NRXN3: variants seen among roughly 807,000 people sequenced by gnomAD.
NRXN3 encodes the protein neurexin III.
Under a neutral mutation model 137.6 loss-of-function variants are expected in NRXN3, and 32 were observed. The observed-to-expected ratio is 0.23, with a 90% CI of 0.18 to 0.31. NRXN3 has a LOEUF of 0.31. Ranked by LOEUF, NRXN3 falls within the 10% of genes least tolerant of loss-of-function variation. The pLI, the probability that NRXN3 is intolerant of heterozygous loss-of-function variation, is 1.00. For synonymous variants in NRXN3, 798 were observed against 784.5 expected (o/e 1.02, Z -0.29); for missense variants, 1,574 against 2,062.5 (o/e 0.76, Z 4.59).
intron 4 of NRXN3, among the ~76,000 whole-genome samples, chr14:78,554,965 G>A (rs182548918): frequency 5.3e-5 from 8 of 152,156 alleles, no homozygotes; most frequent in African/African-American, 1.7e-4. Context: ...GTGCAACATA[G>A]AACAGTCGAG....
chr14:78,800,968 A>G (rs944972046), intron 8 of NRXN3, among the ~76,000 whole-genome samples: 2 of 152,198 alleles, frequency 1.3e-5, no homozygotes, highest in Admixed American at 6.5e-5. Context: ...ACCTTACATG[A>G]TAACCATTTT....
intron 17 of NRXN3, among the ~76,000 whole-genome samples, chr14:79,667,584 T>C (rs1188058208): frequency 2.0e-5 from 3 of 151,980 alleles, no homozygotes; most frequent in Non-Finnish European, 4.4e-5. Context: ...AGAATGAAAA[T>C]AGTTCTATAG....
chr14:78,503,105 T>G (rs891979658), intron 4 of NRXN3, among the ~76,000 whole-genome samples: 8 of 152,176 alleles, frequency 5.3e-5, no homozygotes, highest in Admixed American at 5.2e-4. Context: ...ACTGATAATT[T>G]AATAGATTTT....
At chr14:79,678,414 C>A (rs1430756435) in intron 17 of NRXN3, among the ~76,000 whole-genome samples, 1 of 152,148 alleles carries the variant, frequency 6.6e-6, no homozygotes, top group Non-Finnish European at 1.5e-5. Flanking sequence ...GGACTTGAAC[C>A]ATTATTCAAT....
At chr14:78,279,227 T>A (rs527768330) in intron 3 of NRXN3, among the ~76,000 whole-genome samples, 1 of 152,258 alleles carries the variant, frequency 6.6e-6, no homozygotes, top group Non-Finnish European at 1.5e-5. Context: ...ATAAATGGTT[T>A]TTGTCAATGG....
chr14:79,666,580 C>G (rs960320879), intron 17 of NRXN3, among the ~76,000 whole-genome samples: 1 of 151,942 alleles, frequency 6.6e-6, no homozygotes, highest in South Asian at 2.1e-4. Context: ...GAAGGAAGAC[C>G]TAGGACAAGA....
chr14:78,908,761 G>A (rs2099227088), intron 10 of NRXN3, among the ~76,000 whole-genome samples: 1 of 152,030 alleles, frequency 6.6e-6, no homozygotes, highest in African/African-American at 2.4e-5. Flanking sequence ...ATTGCAGCAA[G>A]AACAAACATC....
At chr14:78,627,418 C>T (rs1354177798) in intron 4 of NRXN3, among the ~76,000 whole-genome samples, 1 of 152,138 alleles carries the variant, frequency 6.6e-6, no homozygotes, top group Admixed American at 6.5e-5. Flanking sequence ...AGGCAACTTA[C>T]ATGAAATGAG....
intron 4 of NRXN3, among the ~76,000 whole-genome samples, chr14:78,567,401 T>C (rs922590317): frequency 3.3e-5 from 5 of 152,202 alleles, no homozygotes; most frequent in Non-Finnish European, 5.9e-5. Context: ...AGAGGGTGCC[T>C]ATCTCCAGCA....
chr14:78,959,336 T>C (rs1297199851), intron 11 of NRXN3, among the ~76,000 whole-genome samples: 1 of 152,234 alleles, frequency 6.6e-6, no homozygotes, highest in Non-Finnish European at 1.5e-5. Context: ...CATAAAACTT[T>C]GAGAGCGTTG....
At chr14:79,374,304 C>T (rs370898847) in intron 15 of NRXN3, among the ~76,000 whole-genome samples, 4 of 152,038 alleles carry the variant, frequency 2.6e-5, no homozygotes, top group African/African-American at 4.8e-5. Flanking sequence ...GAACTGAGTT[C>T]GTGGCCATTG....
chr14:78,937,441 C>T (rs1200866148), intron 10 of NRXN3, among the ~76,000 whole-genome samples: 1 of 152,158 alleles, frequency 6.6e-6, no homozygotes, highest in African/African-American at 2.4e-5. Context: ...CAAAACAGTC[C>T]TGTAAGCAGT....
chr14:79,542,751 G>A (rs1227868236), intron 16 of NRXN3, among the ~76,000 whole-genome samples: 1 of 152,002 alleles, frequency 6.6e-6, no homozygotes, highest in Non-Finnish European at 1.5e-5. Flanking sequence ...CGCTCTTTTG[G>A]CAAAGATCCC....
intron 15 of NRXN3, among the ~76,000 whole-genome samples, chr14:79,387,418 A>G (rs1382455947): frequency 2.6e-5 from 4 of 152,062 alleles, no homozygotes; most frequent in Non-Finnish European, 5.9e-5. Flanking sequence ...ATCTCACACC[A>G]GTTAGAATGG....
At chr14:78,987,932 G>C (rs1475764218) in intron 14 of NRXN3, 90 bp from the exon 15 acceptor site, 5 of 1,414,652 alleles carry the variant, frequency 3.5e-6, no homozygotes, top group Non-Finnish European at 2.8e-6. Flanking sequence ...CATGAGAATG[G>C]TAAATTCAGG....
chr14:78,639,612 G>C (rs1260720841), intron 4 of NRXN3, among the ~76,000 whole-genome samples: 1 of 152,158 alleles, frequency 6.6e-6, no homozygotes, highest in African/African-American at 2.4e-5. Flanking sequence ...CAGGGCTCTT[G>C]TCTACCATTG....
At chr14:79,736,295 A>T (rs1450181475) in intron 19 of NRXN3, among the ~76,000 whole-genome samples, 1 of 152,226 alleles carries the variant, frequency 6.6e-6, no homozygotes, top group Non-Finnish European at 1.5e-5. Flanking sequence ...GTGAGTTTCC[A>T]GACCAACCTA....
At chr14:79,360,348 G>A (rs950230546) in intron 15 of NRXN3, among the ~76,000 whole-genome samples, 2 of 152,176 alleles carry the variant, frequency 1.3e-5, no homozygotes, top group African/African-American at 2.4e-5. Flanking sequence ...CAGGTGGTCC[G>A]CCTACCTTGG....
At chr14:78,417,852 G>T (rs1043816724) in intron 4 of NRXN3, among the ~76,000 whole-genome samples, 3 of 152,186 alleles carry the variant, frequency 2.0e-5, no homozygotes, top group African/African-American at 7.2e-5. Flanking sequence ...CACCTCCTGG[G>T]TTCAAGCGAT....
Sources: allele counts gnomAD v4.1 joint callset (sites outside exome capture counted in the v4.1 genomes callset), GRCh38; gene constraint gnomAD v4.1.1; transcripts MANE v1.5; gene names NCBI Gene and HGNC (gene_info 2026-07-23, HGNC 2026-07-21).